RAPGEF5: variants seen among roughly 807,000 people sequenced by gnomAD.
RAPGEF5 encodes M-Ras-regulated GEF.
RAPGEF5 carries 65 observed loss-of-function variants against 125.2 expected under a neutral mutation model. That is an observed-to-expected ratio of 0.52 (90% CI 0.43 to 0.64). The LOEUF is 0.64. Ranked by LOEUF, RAPGEF5 falls within the 30% of genes least tolerant of loss-of-function variation. The probability of loss-of-function intolerance (pLI) is 0.00; values close to 1 mark genes in which losing one functional copy is unlikely to be tolerated. For missense variants in RAPGEF5, 958 were observed against 1,048.1 expected (o/e 0.91, Z 1.19); for synonymous variants, 391 against 385.9 (o/e 1.01, Z -0.16).
intron 1 of RAPGEF5, among the ~76,000 whole-genome samples, chr7:22,324,710 C>T (rs1399544798): frequency 2.6e-5 from 4 of 152,224 alleles, no homozygotes; most frequent in South Asian, 2.1e-4. Context: ...GAAAGCTGCA[C>T]CGCCCCTCCA....
chr7:22,193,779 TG>T (rs1785076598), intron 10 of RAPGEF5, 135 bp downstream of exon 10: 1 of 1,593,858 alleles, frequency 6.3e-7, no homozygotes. Context: ...GCTAGAACGC[TG>T]GAGAGGCGGA....
intron 4 of RAPGEF5, among the ~76,000 whole-genome samples, chr7:22,309,218 T>C (rs1783414531): frequency 6.6e-6 from 1 of 152,196 alleles, no homozygotes; most frequent in African/African-American, 2.4e-5. Flanking sequence ...TCTTCAAAGG[T>C]AGTTAACTAA....
At chr7:22,297,428 AG>A (rs1583558234) in intron 5 of RAPGEF5, among the ~76,000 whole-genome samples, 1 of 152,238 alleles carries the variant, frequency 6.6e-6, no homozygotes, top group East Asian at 1.9e-4. Flanking sequence ...ATAAAAAGCA[AG>A]GAAAAAGAGG....
At chr7:22,322,279 G>A (rs1339740976) in intron 1 of RAPGEF5, among the ~76,000 whole-genome samples, 1 of 151,434 alleles carries the variant, frequency 6.6e-6, no homozygotes, top group Non-Finnish European at 1.5e-5. Context: ...GGGACTACAG[G>A]CACACACCAC....
At chr7:22,316,489 A>ATTTTTT (rs1174593478) in intron 2 of RAPGEF5, among the ~76,000 whole-genome samples, 16 of 50,630 alleles carry the variant, frequency 3.2e-4, no homozygotes, top group East Asian at 2.7e-3. Context: ...ATATATATAT[A>ATTTTTT]TTTTTTTTTT....
chr7:22,323,312 G>A (rs1783752894), intron 1 of RAPGEF5, among the ~76,000 whole-genome samples: 1 of 152,192 alleles, frequency 6.6e-6, no homozygotes, highest in Non-Finnish European at 1.5e-5. Flanking sequence ...ATGAAAGTGG[G>A]TTCAAGGAGG....
chr7:22,212,621 A>G (rs954163393), intron 9 of RAPGEF5, among the ~76,000 whole-genome samples: 5 of 152,218 alleles, frequency 3.3e-5, no homozygotes, highest in African/African-American at 1.2e-4. Context: ...GTTATCATGA[A>G]CAACTCTCCA....
At chr7:22,286,541 A>G (rs1246768600) in intron 6 of RAPGEF5, among the ~76,000 whole-genome samples, 1 of 152,252 alleles carries the variant, frequency 6.6e-6, no homozygotes, top group Non-Finnish European at 1.5e-5. Context: ...TTAAGTAAAT[A>G]TGAGATGGAA....
chr7:22,191,149 G>GAAT (rs1201972741), intron 11 of RAPGEF5, among the ~76,000 whole-genome samples: 2 of 152,024 alleles, frequency 1.3e-5, no homozygotes, highest in African/African-American at 4.8e-5. Context: ...CTGTTACTTT[G>GAAT]AATATCTGAT....
Position 22,119,953 on chromosome 7 carries a change from T to A in RAPGEF5, c.*2453A>T, listed in dbSNP as rs10267669. 43,033 of 152,166 alleles carry A rather than the reference T, an allele frequency of 0.28. 6,688 individuals are homozygous for A. The highest frequency in any genetic ancestry group is 0.41 in the African/African-American group (17,074 of 41,488). 9.4% of individuals were successfully genotyped at this position (152,166 alleles called of 1,614,324 possible). A position where few individuals can be genotyped will look rare whatever the true frequency, so the allele number is the denominator to read the frequency against. ...TTAGAAAGAGCTTTCTGTTGAGTAA[T>A]ATCTGGTTCTCACAATTCGGGCTTG... is the stretch of plus-strand genomic sequence containing the variant. On this transcript the variant is annotated 3_prime_UTR_variant, in exon 26 of 26. Transcript: ENST00000665637. The surrounding 1 kb of genome is among the most constrained non-coding windows in gnomAD (Gnocchi z 4.1).
intron 9 of RAPGEF5, among the ~76,000 whole-genome samples, chr7:22,207,105 T>A (rs970730165): frequency 7.2e-5 from 11 of 152,196 alleles, no homozygotes; most frequent in African/African-American, 2.7e-4. Context: ...ACCATCAACC[T>A]GACAAAGATA....
At position 22,160,526 on chromosome 7, in the gene RAPGEF5, G is replaced by A; in HGVS notation, c.1518C>T (p.His506=). 6.5e-7 allele frequency: 1 copy of A among 1,544,694 alleles called. No homozygotes were observed. The highest frequency in any genetic ancestry group is 8.7e-7 in the Non-Finnish European group (1 of 1,144,966). The change falls in exon 14 of 26, where the codon CAC becomes CAT. Residue 506 remains histidine (H), a synonymous_variant. Coordinates refer to ENST00000665637, the MANE Select transcript of RAPGEF5 (RefSeq NM_012294.5). The part of the protein sequence containing the change: ...LKEFQKILGM[H]RRHTVDEYSP... Reference sequence around the variant, plus strand: ...GAAAATGAAATACTTACTGACGACGGTGCATTCCAAGTATCTTTTGAAATT... The same window carrying A: ...GAAAATGAAATACTTACTGACGACGATGCATTCCAAGTATCTTTTGAAATT...
intron 1 of RAPGEF5, among the ~76,000 whole-genome samples, chr7:22,335,123 T>C (rs928327903): frequency 2.2e-4 from 33 of 152,220 alleles, no homozygotes; most frequent in African/African-American, 8.0e-4. Context: ...TGGGTGGGGA[T>C]AGGCAGGGGC....
At chr7:22,323,705 C>A (rs947337965) in intron 1 of RAPGEF5, among the ~76,000 whole-genome samples, 1 of 152,146 alleles carries the variant, frequency 6.6e-6, no homozygotes, top group Admixed American at 6.5e-5. Context: ...CCTACAGCAA[C>A]CAACGTGAAG....
At chr7:22,307,544 C>T (rs904334704) in intron 5 of RAPGEF5, among the ~76,000 whole-genome samples, 1 of 152,092 alleles carries the variant, frequency 6.6e-6, no homozygotes, top group Non-Finnish European at 1.5e-5. Flanking sequence ...TGCTCCACCT[C>T]CTTCTCAACA....
chr7:22,185,987 G>T (rs564045629), intron 11 of RAPGEF5, among the ~76,000 whole-genome samples: 7 of 152,030 alleles, frequency 4.6e-5, no homozygotes, highest in Admixed American at 1.3e-4. Flanking sequence ...CACCACTTCT[G>T]GCTAATTTTT....
intron 7 of RAPGEF5, among the ~76,000 whole-genome samples, chr7:22,258,337 C>A (rs946713726): frequency 6.6e-6 from 1 of 152,090 alleles, no homozygotes; most frequent in Admixed American, 6.5e-5. Context: ...AATAGACAAA[C>A]AGGCCAGGTA....
chr7:22,247,682 C>T (rs902045886), intron 7 of RAPGEF5, among the ~76,000 whole-genome samples: 1 of 151,694 alleles, frequency 6.6e-6, no homozygotes, highest in Non-Finnish European at 1.5e-5. Context: ...GGTATTTCTT[C>T]ATAGCAGTAT....
At chr7:22,125,287 A>T (rs1295286800) in intron 25 of RAPGEF5, 1 of 244,996 alleles carries the variant, frequency 4.1e-6, no homozygotes, top group Non-Finnish European at 8.1e-6. Flanking sequence ...GCCAATGGAC[A>T]AGCAAAGCAA....
Sources: gnomAD v4.1 joint callset for allele counts (sites outside exome capture counted in the v4.1 genomes callset) on GRCh38, gnomAD v4.1.1 for gene constraint, Gnocchi (gnomAD v3.1) non-coding constraint, MANE v1.5 for transcripts, NCBI Gene and HGNC (gene_info 2026-07-23, HGNC 2026-07-21) for gene names.